The following SLC25A21 variants were observed in gnomAD, a reference collection of about 807,000 sequenced individuals.
SLC25A21 encodes the protein solute carrier family 25 member 21.
A neutral mutation model predicts 43.8 loss-of-function variants in SLC25A21; 47 were observed. The ratio of observed to expected loss-of-function variants is 1.07; its 90% CI spans 0.85 to 1.37. The LOEUF is 1.37. SLC25A21 is among the 40% of genes most tolerant of loss of function. The probability of loss-of-function intolerance (pLI) is 0.00; values close to 1 mark genes in which losing one functional copy is unlikely to be tolerated. For missense variants in SLC25A21, 352 were observed against 350.2 expected (o/e 1.00, Z -0.04); for synonymous variants, 131 against 121.3 (o/e 1.08, Z -0.52).
chr14:36,751,463 T>C (rs995361490), intron 3 of SLC25A21, among the ~76,000 whole-genome samples: 14 of 152,036 alleles, frequency 9.2e-5, no homozygotes, highest in African/African-American at 2.7e-4. Context: ...GCATGGGGAG[T>C]CTGGCTCCAG....
intron 1 of SLC25A21, among the ~76,000 whole-genome samples, chr14:37,015,527 C>T (rs1242192947): frequency 6.6e-6 from 1 of 151,628 alleles, no homozygotes; most frequent in African/African-American, 2.4e-5. Context: ...TTTATAGCAG[C>T]ATGATTTATA....
At chr14:37,150,762 G>A (rs915762650) in intron 1 of SLC25A21, among the ~76,000 whole-genome samples, 9 of 152,230 alleles carry the variant, frequency 5.9e-5, no homozygotes, top group Admixed American at 1.3e-4. Context: ...CCAATCAAAT[G>A]TGCTGTCCTA....
rs190047797 is a variant in SLC25A21, at chr14:36,715,001, G to A, written c.439-3519C>T. Among the ~76,000 whole-genome samples, 125 of 152,246 alleles carry A rather than the reference G, an allele frequency of 8.2e-4. 2 individuals are homozygous for A. Among genetic ancestry groups the A allele is most frequent in the African/African-American group, 2.8e-3 (117 of 41,548 alleles). ...AGGTGAGGAAACCAAAGATTGTTAGGCAACATGCCTAAGATAAAATGCTGC... is the reference window on the plus strand; with the variant it reads ...AGGTGAGGAAACCAAAGATTGTTAGACAACATGCCTAAGATAAAATGCTGC... On this transcript the variant is annotated intron_variant, in intron 6 of 9. Coordinates refer to ENST00000331299, the MANE Select transcript of SLC25A21 (RefSeq NM_030631.4).
At chr14:36,859,951 A>T (rs974740863) in intron 2 of SLC25A21, among the ~76,000 whole-genome samples, 1 of 152,158 alleles carries the variant, frequency 6.6e-6, no homozygotes, top group African/African-American at 2.4e-5. Flanking sequence ...TTGAGCACCT[A>T]CTTTGTGTTC....
chr14:36,774,216 C>T (rs1292659581), intron 3 of SLC25A21, among the ~76,000 whole-genome samples: 4 of 152,194 alleles, frequency 2.6e-5, no homozygotes, highest in African/African-American at 9.6e-5. Flanking sequence ...TAATATTTAG[C>T]AAGTGTTTTA....
chr14:37,065,767 T>C (rs189115863), intron 1 of SLC25A21, among the ~76,000 whole-genome samples: 3 of 152,290 alleles, frequency 2.0e-5, no homozygotes, highest in Admixed American at 1.3e-4. Context: ...TAGACATATA[T>C]GGTAAAACAA....
chr14:37,022,852 A>G (rs1223351689), intron 1 of SLC25A21, among the ~76,000 whole-genome samples: 1 of 152,178 alleles, frequency 6.6e-6, no homozygotes, highest in African/African-American at 2.4e-5. Context: ...TCTACCACAC[A>G]ATCGTCTTCA....
At chr14:36,981,650 G>C (rs1594735726) in intron 1 of SLC25A21, among the ~76,000 whole-genome samples, 1 of 152,104 alleles carries the variant, frequency 6.6e-6, no homozygotes, top group Admixed American at 6.6e-5. Context: ...AGAACACTTG[G>C]ACACAGGGTG....
At chr14:37,083,909 G>A (rs942435450) in intron 1 of SLC25A21, among the ~76,000 whole-genome samples, 3 of 152,114 alleles carry the variant, frequency 2.0e-5, no homozygotes, top group Admixed American at 2.0e-4. Context: ...TTGCTCACTT[G>A]CATTTAATAA....
intron 5 of SLC25A21, among the ~76,000 whole-genome samples, chr14:36,729,136 G>A (rs1884717129): frequency 6.6e-6 from 1 of 152,306 alleles, no homozygotes; most frequent in East Asian, 1.9e-4. Context: ...TACAGCTGGT[G>A]CAAAAGCTGG....
At chr14:37,138,853 G>T (rs982671567) in intron 1 of SLC25A21, among the ~76,000 whole-genome samples, 1 of 151,950 alleles carries the variant, frequency 6.6e-6, no homozygotes, top group Admixed American at 6.6e-5. Context: ...GAATTTTTTG[G>T]TAAACTGTGT....
chr14:37,013,041 T>C (rs1162297366), intron 1 of SLC25A21, among the ~76,000 whole-genome samples: 2 of 152,182 alleles, frequency 1.3e-5, no homozygotes, highest in South Asian at 4.1e-4. Flanking sequence ...AAACTTAAAT[T>C]GTTTATTTAA....
chr14:37,113,643 CA>C (rs1289498635), intron 1 of SLC25A21, among the ~76,000 whole-genome samples: 1 of 152,054 alleles, frequency 6.6e-6, no homozygotes, highest in African/African-American at 2.4e-5. Context: ...CACCTGAGGT[CA>C]GGAGTTCGAG....
At chr14:36,747,068 T>C (rs1432280206) in intron 3 of SLC25A21, among the ~76,000 whole-genome samples, 1 of 152,214 alleles carries the variant, frequency 6.6e-6, no homozygotes, top group Non-Finnish European at 1.5e-5. Flanking sequence ...TAAATTCATA[T>C]ACCCAGACAT....
At chr14:36,942,317 T>C in intron 1 of SLC25A21, among the ~76,000 whole-genome samples, 1 of 152,176 alleles carries the variant, frequency 6.6e-6, no homozygotes, top group East Asian at 1.9e-4. Flanking sequence ...AAATATGCCA[T>C]ACATGCAAGG....
chr14:36,787,800 G>T (rs776929771), intron 3 of SLC25A21, among the ~76,000 whole-genome samples: 3 of 152,124 alleles, frequency 2.0e-5, no homozygotes, highest in Non-Finnish European at 4.4e-5. Flanking sequence ...AGGTGCTTTG[G>T]TCTCATGCTA....
rs1295034725 is a variant in SLC25A21 at position 36,880,003 on chromosome 14, T to C, written c.71-4999A>G. ...CTTCAGATCTCAATTTAGGCAACCATTTTCCCAGAAATCCTGGGGCAAAGA... is the reference window on the plus strand; with the variant it reads ...CTTCAGATCTCAATTTAGGCAACCACTTTCCCAGAAATCCTGGGGCAAAGA... On this transcript the variant is annotated intron_variant, in intron 1 of 9. Transcript: ENST00000331299. Among the ~76,000 whole-genome samples the C allele has an allele frequency of 2.6e-5, 4 of 152,248 alleles. No homozygotes were observed. The East Asian group carries it at 7.7e-4, about 29-fold the overall frequency.
At chr14:36,707,583 T>C (rs1021079682) in intron 7 of SLC25A21, among the ~76,000 whole-genome samples, 3 of 152,170 alleles carry the variant, frequency 2.0e-5, no homozygotes, top group Non-Finnish European at 4.4e-5. Flanking sequence ...ACTAGTATAA[T>C]CTGGGCATGG....
intron 1 of SLC25A21, among the ~76,000 whole-genome samples, chr14:36,882,384 A>G (rs963152905): frequency 2.4e-4 from 36 of 152,284 alleles, no homozygotes; most frequent in African/African-American, 7.7e-4. Flanking sequence ...CCCTGTCTCA[A>G]AAAATAAAAA....
Sources: allele counts gnomAD v4.1 joint callset (sites outside exome capture counted in the v4.1 genomes callset), GRCh38; gene constraint gnomAD v4.1.1; transcripts MANE v1.5; gene names NCBI Gene and HGNC (gene_info 2026-07-23, HGNC 2026-07-21).